Variants in CDH3 observed in about 807,000 individuals in gnomAD.
CDH3 encodes cadherin-3.
CDH3 carries 54 observed loss-of-function variants against 82.0 expected under a neutral mutation model. The observed-to-expected ratio is 0.66, with a 90% CI of 0.53 to 0.83. CDH3 has a LOEUF of 0.83. CDH3 is among the 40% of genes least tolerant of loss of function. CDH3 has a pLI of 0.00. For synonymous variants in CDH3, 446 were observed against 437.9 expected, an observed-to-expected ratio of 1.02 and a Z score of -0.23; for missense variants, 1,054 against 1,084.6, an observed-to-expected ratio of 0.97 and a Z score of 0.40.
intron 2 of CDH3, among the ~76,000 whole-genome samples, chr16:68,674,687 A>T (rs1438699776): frequency 6.6e-6 from 1 of 152,138 alleles, no homozygotes; most frequent in Non-Finnish European, 1.5e-5. Context: ...GTGAGTTATG[A>T]TTGCACTGCT....
chr16:68,653,984 AG>A (rs1300541453), intron 2 of CDH3, among the ~76,000 whole-genome samples: 1 of 148,608 alleles, frequency 6.7e-6, no homozygotes, highest in Non-Finnish European at 1.5e-5. Context: ...CCCAAAGTGC[AG>A]GGATTACAGG....
rs1960198577 is a variant in CDH3, at chr16:68,650,195, T to G, written c.160+4445T>G. Among the ~76,000 whole-genome samples the G allele has an allele frequency of 3.9e-5, 6 of 152,280 alleles. No homozygotes were observed. In the South Asian group the frequency reaches 1.2e-3, roughly 32 times the overall value. The stretch of plus-strand genomic sequence containing the variant: ...GAGGGTCCTAGAGAAAGCCGGCCAC[T>G]CAGGAGCCTGACATATTTTAGCATC... On this transcript the variant is annotated intron_variant, in intron 2 of 15. Coordinates refer to ENST00000264012, the MANE Select transcript of CDH3 (RefSeq NM_001793.6).
downstream of CDH3, among the ~76,000 whole-genome samples, chr16:68,702,299 A>G (rs1309662601): frequency 6.6e-6 from 1 of 152,090 alleles, no homozygotes; most frequent in Admixed American, 6.5e-5. Flanking sequence ...ATCCATAGAT[A>G]TTGGTCATTC....
At chr16:68,709,283 C>T in intron 1 of CDH3, among the ~76,000 whole-genome samples, 1 of 152,060 alleles carries the variant, frequency 6.6e-6, no homozygotes, top group Non-Finnish European at 1.5e-5. Context: ...CTGTGTTGCC[C>T]AGGCTGGTCT....
At chr16:68,680,002 C>T (rs1156757245) in intron 7 of CDH3, 28 bp downstream of exon 7, 1 of 1,606,850 alleles carries the variant, frequency 6.2e-7, no homozygotes, top group Non-Finnish European at 8.5e-7. Context: ...AAAGTACTGC[C>T]TACCCAGACT....
At chr16:68,677,157 G>A (rs371199743) in intron 3 of CDH3, among the ~76,000 whole-genome samples, 6 of 152,060 alleles carry the variant, frequency 3.9e-5, no homozygotes, top group Admixed American at 1.3e-4. Flanking sequence ...TTATGCAAAA[G>A]CTAAGATGCT....
intron 10 of CDH3, among the ~76,000 whole-genome samples, 180 bp from the exon 11 acceptor site, chr16:68,685,025 T>A (rs1296251019): frequency 1.3e-5 from 2 of 152,188 alleles, no homozygotes; most frequent in African/African-American, 4.8e-5. Context: ...CTGTCATGTA[T>A]CCCTCCTGGG....
chr16:68,691,807 A>G lies in CDH3; in HGVS notation c.1883A>G (p.Glu628Gly). ...HLSLSDHGNK[E>G]QLTVIRATVC... is the part of the protein sequence containing the mutation. ...TCTCTGTCTGACCATGGCAACAAAG[A>G]GCAGCTGACGGTGATCAGGGCCACT... Residue 628 changes from glutamate (E) to glycine (G), a missense_variant, in exon 13 of 16, where the codon GAG becomes GGG. By Grantham distance (98) the Glu-to-Gly change is moderately conservative. Transcript: ENST00000264012. 1 of 1,614,150 alleles carries G rather than the reference A, an allele frequency of 6.2e-7. No individual in the cohort carries two copies. The highest frequency in any genetic ancestry group is 8.5e-7 in the Non-Finnish European group (1 of 1,180,020).
At position 68,698,355 on chromosome 16, in the gene CDH3, C is replaced by T. The variant is rs1004904890; in HGVS notation, c.2445C>T (p.Arg815=). Residue 815 remains arginine (R), a synonymous_variant, in exon 16 of 16, where the codon CGC becomes CGT. Coordinates refer to ENST00000264012, the MANE Select transcript of CDH3 (RefSeq NM_001793.6). ...ATTATCTGAACGAGTGGGGCAGCCG[C>T]TTCAAGAAGCTGGCAGACATGTACG... ...DYDYLNEWGS[R]FKKLADMYGG... The T allele has an allele frequency of 6.2e-7, 1 of 1,614,126 alleles. No individual in the cohort carries two copies. Among genetic ancestry groups the T allele is most frequent in the Non-Finnish European group, 8.5e-7 (1 of 1,180,042 alleles).
At chr16:68,715,148 G>A (rs761043987) in intron 1 of CDH3, among the ~76,000 whole-genome samples, 55 of 142,014 alleles carry the variant, frequency 3.9e-4, no homozygotes, top group Non-Finnish European at 7.2e-4. Context: ...ATTTGAGGCC[G>A]GGCGCCATGA....
intron 15 of CDH3, 114 bp downstream of exon 15, chr16:68,696,037 C>T (rs1480171774): frequency 1.8e-6 from 2 of 1,096,108 alleles, no homozygotes; most frequent in Non-Finnish European, 2.7e-6. Flanking sequence ...TCTGACTCCA[C>T]CACCAACCAG....
intron 1 of CDH3, among the ~76,000 whole-genome samples, chr16:68,712,711 T>A (rs1270902951): frequency 6.6e-6 from 1 of 151,824 alleles, no homozygotes; most frequent in Non-Finnish European, 1.5e-5. Context: ...AGATGGCGAC[T>A]CCCTCTGTCA....
rs1190222356 is a variant in CDH3, at chr16:68,691,901, G to A, written c.1977G>A (p.Val659=). ...GGAAGGGAGGTTTCATCCTCCCTGT[G>A]CTGGGGGCTGTCCTGGCTCTGCTGT... ...GPWKGGFILP[V]LGAVLALLFL... Residue 659 remains valine, a synonymous_variant, in exon 13 of 16, where the codon GTG becomes GTA. Transcript: ENST00000264012. The A allele has an allele frequency of 6.2e-7, 1 of 1,613,598 alleles. No homozygotes were observed. The highest frequency in any genetic ancestry group is 1.1e-5 in the South Asian group (1 of 91,054).
At position 68,678,003 on chromosome 16, in the gene CDH3, C is replaced by A; in HGVS notation, c.247-131C>A. ...TCTGGAACTCCTGGGCTCAAGTGAC[C>A]CTCCCAAAGTACTGGGATTATAGGC... On this transcript the variant is annotated intron_variant, in intron 3 of 15. Coordinates refer to ENST00000264012, the MANE Select transcript of CDH3 (RefSeq NM_001793.6). 6.0e-6 allele frequency: 5 copies of A among 834,816 alleles called. No individual in the cohort carries two copies. The South Asian group carries it at 6.9e-5, about 11-fold the overall frequency. 51.7% of individuals were successfully genotyped at this position (834,816 alleles called of 1,614,324 possible). A position where few individuals can be genotyped will look rare whatever the true frequency, so the allele number is the denominator to read the frequency against.
At chr16:68,719,124 C>A (rs1002232627) in intron 1 of CDH3, among the ~76,000 whole-genome samples, 11 of 151,932 alleles carry the variant, frequency 7.2e-5, no homozygotes, top group Non-Finnish European at 1.6e-4. Flanking sequence ...CGCCTGTAAT[C>A]CCAGCTACTT....
intron 1 of CDH3, among the ~76,000 whole-genome samples, chr16:68,718,307 T>G (rs1962117743): frequency 6.6e-6 from 1 of 151,342 alleles, no homozygotes; most frequent in African/African-American, 2.4e-5. Context: ...CTGGCTAAAC[T>G]TTTTTTGTGT....
chr16:68,675,842 T>C (rs975968369), intron 2 of CDH3, among the ~76,000 whole-genome samples: 2 of 151,716 alleles, frequency 1.3e-5, no homozygotes, highest in Non-Finnish European at 2.9e-5. Flanking sequence ...ATACCTACCT[T>C]GGTATCATAG....
chr16:68,689,756 G>A (rs578127913), intron 12 of CDH3, among the ~76,000 whole-genome samples: 5 of 151,764 alleles, frequency 3.3e-5, no homozygotes, highest in South Asian at 2.1e-4. Flanking sequence ...CTGCCTTCTG[G>A]CCCTTTGACT....
chr16:68,693,950 G>A (rs1473555733), intron 13 of CDH3, among the ~76,000 whole-genome samples: 1 of 152,012 alleles, frequency 6.6e-6, no homozygotes, highest in Non-Finnish European at 1.5e-5. Context: ...CTGAAGCCAG[G>A]CCCTTTTAAA....
Sources: gnomAD v4.1 joint callset for allele counts (sites outside exome capture counted in the v4.1 genomes callset) on GRCh38, gnomAD v4.1.1 for gene constraint, MANE v1.5 for transcripts, NCBI Gene and HGNC (gene_info 2026-07-23, HGNC 2026-07-21) for gene names.